Variants in HCLS1 observed in about 807,000 individuals in gnomAD.
HCLS1 encodes the protein hematopoietic lineage cell-specific protein.
In HCLS1, 44 loss-of-function variants were observed where a neutral mutation model predicts 68.6. That is an observed-to-expected ratio of 0.64 (90% CI 0.50 to 0.82). HCLS1 has a LOEUF of 0.82. HCLS1 is among the 40% of genes least tolerant of loss of function. The pLI, the probability that HCLS1 is intolerant of heterozygous loss-of-function variation, is 0.00. For missense variants in HCLS1, 602 were observed against 612.1 expected (o/e 0.98, Z 0.17); for synonymous variants, 217 against 225.8 (o/e 0.96, Z 0.35).
At chr3:121,653,633 A>G (rs1937797868) in intron 3 of HCLS1, 1 of 152,244 alleles carries the variant, frequency 6.6e-6, no homozygotes. Context: ...CCTCAGCATC[A>G]TAAGCCTTTT....
chr3:121,642,077 C>T lies in HCLS1; in HGVS notation c.454+850G>A, dbSNP rs563741730. Among the ~76,000 whole-genome samples the T allele has an allele frequency of 1.1e-3, 102 of 90,198 alleles. 1 individual carries two copies. Among genetic ancestry groups the T allele is most frequent in the Non-Finnish European group, 4.5e-4 (21 of 46,374 alleles). 59.2% of individuals were successfully genotyped at this position (90,198 alleles called of 152,430 possible). ...CCTGGGCGACAGAGCCAGACTCCGT[C>T]GCAAAAAAAAAAAAAAAAAAACTTG... is the stretch of plus-strand genomic sequence containing the variant. On this transcript the variant is annotated intron_variant, in intron 6 of 13. Transcript: ENST00000314583.
chr3:121,635,600 G>A, intron 9 of HCLS1, 135 bp downstream of exon 9: 1 of 720,008 alleles, frequency 1.4e-6, no homozygotes, highest in East Asian at 2.5e-5. Context: ...GACAGAATCT[G>A]GGAATATGAG....
intron 6 of HCLS1, among the ~76,000 whole-genome samples, chr3:121,639,696 G>C (rs1262067477): frequency 6.6e-6 from 1 of 152,138 alleles, no homozygotes; most frequent in Non-Finnish European, 1.5e-5. Context: ...CCACGGGTTT[G>C]TGATGAATGA....
In HCLS1 at chr3:121,658,496, G is replaced by A. The variant is rs551752642; in HGVS notation, c.1-149C>T. The A allele has an allele frequency of 6.0e-5, 38 of 638,484 alleles. No homozygotes were observed. The South Asian group carries it at 7.3e-4, about 12-fold the overall frequency. 39.6% of individuals were successfully genotyped at this position (638,484 alleles called of 1,614,324 possible). A position where few individuals can be genotyped will look rare whatever the true frequency, so the allele number is the denominator to read the frequency against. Reference sequence around the variant, plus strand: ...AAATAGAAAATGAAGCAAAGCAAATGGGAGTTGTAGGAAGGCTTTTCTGCT... The same window carrying A: ...AAATAGAAAATGAAGCAAAGCAAATAGGAGTTGTAGGAAGGCTTTTCTGCT... On this transcript the variant is annotated intron_variant, in intron 1 of 13. Transcript: ENST00000314583.
chr3:121,657,279 T>C lies in HCLS1; in HGVS notation c.158A>G (p.Asn53Ser). 6.2e-7 allele frequency: 1 copy of C among 1,613,608 alleles called. No individual in the cohort carries two copies. The highest frequency in any genetic ancestry group is 8.5e-7 in the Non-Finnish European group (1 of 1,179,616). The change falls in exon 3 of 14, where the codon AAC becomes AGC. Residue 53 changes from asparagine (N) to serine (S), a missense_variant and splice_region_variant. Transcript: ENST00000314583. ...IEGSGRTEHI[N>S]IHQLRNKVSE... ...TTTCTCCAGTCCTTTCGGCACCTACTTGATGTGTTCTGTGCGTCCAGACCC... is the reference window on the plus strand; with the variant it reads ...TTTCTCCAGTCCTTTCGGCACCTACCTGATGTGTTCTGTGCGTCCAGACCC...
At chr3:121,643,113 T>C in intron 5 of HCLS1, 132 bp from the exon 6 acceptor site, 1 of 705,068 alleles carries the variant, frequency 1.4e-6, no homozygotes, top group South Asian at 1.5e-5. Flanking sequence ...GTGTTTAATG[T>C]AGAAACAGGC....
At position 121,631,571 on chromosome 3, in the gene HCLS1, G is replaced by A; in HGVS notation, c.*275C>T. The A allele has an allele frequency of 7.5e-6, 3 of 400,254 alleles. No individual in the cohort carries two copies. The East Asian group carries it at 1.3e-4, about 17-fold the overall frequency. 24.8% of individuals were successfully genotyped at this position (400,254 alleles called of 1,614,324 possible). ...GGGAAGCCCAGAGCTCACAGAGGAG[G>A]AGAGCAGAGCTTGGGGTGGCAGAGA... is the stretch of plus-strand genomic sequence containing the variant. On this transcript the variant is annotated 3_prime_UTR_variant, in exon 14 of 14. Transcript: ENST00000314583.
Position 121,635,748 on chromosome 3 carries a change from C to T in HCLS1, c.678G>A (p.Thr226=), listed in dbSNP as rs138568093. The T allele has an allele frequency of 2.3e-5, 37 of 1,613,726 alleles. No homozygotes were observed. In the African/African-American group the frequency reaches 2.5e-4, roughly 11 times the overall value. The change falls in exon 9 of 14, where the codon ACG becomes ACA. Residue 226 remains threonine (T), a synonymous_variant. Coordinates refer to ENST00000314583, the MANE Select transcript of HCLS1 (RefSeq NM_005335.6). The stretch of plus-strand genomic sequence containing the variant: ...ACTAAGCCTCACCGGCTTCTATGGG[C>T]GTCGTCTTCTTATAAGCTGTGGTCG... The part of the protein sequence containing the change: ...EAPTTAYKKT[T]PIEAASSGTR...
At position 121,637,224 on chromosome 3, in the gene HCLS1, C is replaced by G. The variant is rs372191150; in HGVS notation, c.487G>C (p.Val163Leu). The stretch of plus-strand genomic sequence containing the variant: ...GCTTTGTCCCATTTATCCTTCTCCA[C>G]CCCGTACCGGCCACCAAAGCCACGA... ...YSRGFGGRYG[V>L]EKDKWDKAAL... is the part of the protein sequence containing the mutation. The change falls in exon 7 of 14, where the codon GTG becomes CTG. Residue 163 changes from valine (V) to leucine (L), a missense_variant. Val to Leu is a conservative substitution (Grantham distance 32). Coordinates refer to ENST00000314583, the MANE Select transcript of HCLS1 (RefSeq NM_005335.6). 1.4e-5 allele frequency: 22 copies of G among 1,613,380 alleles called. No individual in the cohort carries two copies. In the African/African-American group the frequency reaches 2.4e-4, roughly 18 times the overall value.
intron 3 of HCLS1, among the ~76,000 whole-genome samples, chr3:121,649,166 T>C (rs939646224): frequency 6.6e-6 from 1 of 152,132 alleles, no homozygotes; most frequent in Non-Finnish European, 1.5e-5. Flanking sequence ...ATAATTTGAA[T>C]GAAATTGTTG....
chr3:121,632,739 C>T (rs1392060692), intron 11 of HCLS1, among the ~76,000 whole-genome samples, 176 bp from the exon 12 acceptor site: 1 of 152,176 alleles, frequency 6.6e-6, no homozygotes, highest in East Asian at 1.9e-4. Context: ...CTTCAATCTC[C>T]TCCCACACCC....
chr3:121,646,787 G>A (rs1937615000), intron 4 of HCLS1, among the ~76,000 whole-genome samples: 1 of 131,188 alleles, frequency 7.6e-6, no homozygotes, highest in Non-Finnish European at 1.6e-5. Context: ...CATATAATTG[G>A]CTCTTATAGA....
chr3:121,653,082 G>A (rs1184142617), intron 3 of HCLS1, among the ~76,000 whole-genome samples: 2 of 152,144 alleles, frequency 1.3e-5, no homozygotes, highest in African/African-American at 2.4e-5. Flanking sequence ...ATATCTTGGG[G>A]ACGAGACCCA....
chr3:121,652,712 T>A (rs1937776500), intron 3 of HCLS1, among the ~76,000 whole-genome samples: 1 of 152,118 alleles, frequency 6.6e-6, no homozygotes, highest in African/African-American at 2.4e-5. Context: ...AAACCTTAAA[T>A]GAAAGAGACT....
At chr3:121,646,400 TATATTACATAGTAATA>T (rs1340893741) in intron 4 of HCLS1, among the ~76,000 whole-genome samples, 1 of 93,834 alleles carries the variant, frequency 1.1e-5, no homozygotes, top group Admixed American at 2.0e-4. Flanking sequence ...TACTATGTAA[TATATTACATAGTAATA>T]ATATGTAATA....
chr3:121,634,105 A>G, intron 10 of HCLS1, 102 bp downstream of exon 10: 1 of 1,570,106 alleles, frequency 6.4e-7, no homozygotes, highest in Non-Finnish European at 8.6e-7. Context: ...TGCCTAACCC[A>G]GGGGAGGACT....
intron 9 of HCLS1, among the ~76,000 whole-genome samples, chr3:121,635,364 G>A (rs372081397): frequency 1.1e-4 from 17 of 149,866 alleles, no homozygotes; most frequent in South Asian, 6.4e-4. Flanking sequence ...TCCGACTTCC[G>A]CCTCCTGGGT....
intron 9 of HCLS1, among the ~76,000 whole-genome samples, chr3:121,634,877 C>T (rs1398527906): frequency 3.3e-5 from 5 of 152,142 alleles, no homozygotes; most frequent in Non-Finnish European, 5.9e-5. Flanking sequence ...AGTGATTATC[C>T]TACTTCAGCA....
At chr3:121,645,071 C>T (rs141597699) in intron 4 of HCLS1, 143 bp from the exon 5 acceptor site, 53 of 645,028 alleles carry the variant, frequency 8.2e-5, no homozygotes, top group South Asian at 5.8e-4. Flanking sequence ...CCAAGGAATA[C>T]GCGATGGGAG....
Sources: allele counts gnomAD v4.1 joint callset (sites outside exome capture counted in the v4.1 genomes callset), GRCh38; gene constraint gnomAD v4.1.1; transcripts MANE v1.5; gene names NCBI Gene and HGNC (gene_info 2026-07-23, HGNC 2026-07-21).